The following ROBO2 variants were observed in gnomAD, a reference collection of about 807,000 sequenced individuals.
ROBO2 encodes roundabout homolog 2.
ROBO2 carries 53 observed loss-of-function variants against 160.8 expected under a neutral mutation model. That is an observed-to-expected ratio of 0.33 (90% confidence interval 0.26 to 0.41). ROBO2 has a LOEUF of 0.41. ROBO2 is among the 10% of genes least tolerant of loss of function. The probability of loss-of-function intolerance (pLI) is 1.00; values close to 1 mark genes in which losing one functional copy is unlikely to be tolerated. For synonymous variants in ROBO2, 664 were observed against 611.7 expected (o/e 1.09, Z -1.26); for missense variants, 1,577 against 1,722.4 (o/e 0.92, Z 1.49).
chr3:77,298,014 C>T (rs140349890), intron 2 of ROBO2, among the ~76,000 whole-genome samples: 8 of 152,134 alleles, frequency 5.3e-5, no homozygotes, highest in Non-Finnish European at 1.0e-4. Flanking sequence ...GCTACCTAAG[C>T]GGGTAGGGCA....
At chr3:76,590,495 TCAAC>T (rs1478877779) in intron 2 of ROBO2, among the ~76,000 whole-genome samples, 4 of 152,172 alleles carry the variant, frequency 2.6e-5, no homozygotes, top group African/African-American at 9.6e-5. Context: ...CAGCAACACA[TCAAC>T]CAACTGACAG....
At chr3:76,370,134 G>A (rs2076032656) in intron 2 of ROBO2, among the ~76,000 whole-genome samples, 2 of 151,880 alleles carry the variant, frequency 1.3e-5, no homozygotes, top group South Asian at 4.1e-4. Context: ...TGGTTCAGGT[G>A]TGTGTGTATA....
chr3:76,915,539 G>A (rs1439891856), intron 2 of ROBO2, among the ~76,000 whole-genome samples: 11 of 151,656 alleles, frequency 7.3e-5, no homozygotes, highest in African/African-American at 2.4e-4. Flanking sequence ...GTGTGGTGGT[G>A]AGTGCCTGTA....
intron 1 of ROBO2, among the ~76,000 whole-genome samples, chr3:75,910,780 G>T (rs1190930276): frequency 1.3e-5 from 2 of 152,126 alleles, no homozygotes; most frequent in Non-Finnish European, 1.5e-5. Context: ...GACATTAAGA[G>T]AAGTTTTTGA....
chr3:76,333,701 C>T (rs1184468383), intron 2 of ROBO2, among the ~76,000 whole-genome samples: 1 of 152,172 alleles, frequency 6.6e-6, no homozygotes, highest in Non-Finnish European at 1.5e-5. Context: ...AGCCTAGCTT[C>T]ATAGTATTCC....
chr3:76,880,114 T>C (rs1023840446), intron 2 of ROBO2, among the ~76,000 whole-genome samples: 2 of 152,190 alleles, frequency 1.3e-5, no homozygotes, highest in Non-Finnish European at 2.9e-5. Flanking sequence ...AAGTGTTTTT[T>C]AATGATTAGG....
intron 2 of ROBO2, among the ~76,000 whole-genome samples, chr3:77,212,181 A>G (rs1466013968): frequency 6.6e-6 from 1 of 152,110 alleles, no homozygotes; most frequent in Non-Finnish European, 1.5e-5. Flanking sequence ...GGCCATTTTC[A>G]CGACATTGAT....
In ROBO2 at chr3:76,385,248, G is replaced by A. The variant is rs147773854; in HGVS notation, c.109+447646G>A. Among the ~76,000 whole-genome samples, 34 of 152,178 alleles carry A rather than the reference G, an allele frequency of 2.2e-4. No individual in the cohort carries two copies. In the East Asian group the frequency reaches 5.8e-3, roughly 26 times the overall value. ...GGACTCAAGGCATACACCCACCTTC[G>A]TCTTCCATGCTAGGATTACAGGCAT... On this transcript the variant is annotated intron_variant, in intron 2 of 26. Transcript: ENST00000487694.
At chr3:76,562,838 A>T (rs1323080956) in intron 2 of ROBO2, among the ~76,000 whole-genome samples, 1 of 152,108 alleles carries the variant, frequency 6.6e-6, no homozygotes, top group African/African-American at 2.4e-5. Context: ...AATTCAATGA[A>T]TATATATTGT....
At chr3:77,100,200 A>G (rs2071716574) in intron 2 of ROBO2, among the ~76,000 whole-genome samples, 1 of 151,886 alleles carries the variant, frequency 6.6e-6, no homozygotes, top group Non-Finnish European at 1.5e-5. Context: ...AATTTTTTTT[A>G]TTTTGAAGTA....
At chr3:77,178,534 C>G (rs564654828) in intron 2 of ROBO2, among the ~76,000 whole-genome samples, 122 of 151,962 alleles carry the variant, frequency 8.0e-4, no homozygotes, top group African/African-American at 2.8e-3. Flanking sequence ...GAAAAAATAC[C>G]CATCCTTACT....
At chr3:77,141,419 G>T in intron 2 of ROBO2, among the ~76,000 whole-genome samples, 1 of 152,058 alleles carries the variant, frequency 6.6e-6, no homozygotes, top group East Asian at 1.9e-4. Flanking sequence ...CTTGTCTTCT[G>T]CTCTGGTCCA....
At chr3:77,202,214 C>G (rs548566687) in intron 2 of ROBO2, among the ~76,000 whole-genome samples, 75 of 152,172 alleles carry the variant, frequency 4.9e-4, no homozygotes, top group Admixed American at 2.0e-3. Flanking sequence ...GAGTTTTAAC[C>G]ATATGTGTTA....
chr3:77,565,051 A>G (rs777041157), exon 12 of ROBO2: 3 of 1,613,616 alleles, frequency 1.9e-6, no homozygotes, highest in Non-Finnish European at 2.5e-6. Context: ...CTACTTATTC[A>G]TGGTCAGAGC....
rs146433247 is a variant in ROBO2, at chr3:76,381,091, T to TA, written c.109+443496dup. Among the ~76,000 whole-genome samples, 3 of 151,138 alleles carry TA rather than the reference T, an allele frequency of 2.0e-5. No homozygotes were observed. In the South Asian group the frequency reaches 6.2e-4, roughly 31 times the overall value. ...CAATTTCAAAGTGTTTGAAAGGATT[T>TA]AAAAAAACAGACACAGATAGATAGC... On this transcript the variant is annotated intron_variant, in intron 2 of 26. Transcript: ENST00000487694.
chr3:77,611,525 G>A lies in ROBO2; in HGVS notation c.3293+3571G>A, dbSNP rs140979340. 4.4e-3 allele frequency among the ~76,000 whole-genome samples: 667 copies of A among 152,160 alleles called. 1 individual carries two copies. The highest frequency in any genetic ancestry group is 7.1e-3 in the Non-Finnish European group (486 of 67,990). On this transcript the variant is annotated intron_variant, in intron 21 of 25. Transcript: ENST00000461745. ...TGATAAGGGAATAAAACAAAGCAAG[G>A]TCAATGGGTTGGAGGAAAGGTAAGT...
chr3:77,193,643 G>A (rs555948403), intron 2 of ROBO2, among the ~76,000 whole-genome samples: 58 of 152,192 alleles, frequency 3.8e-4, no homozygotes, highest in Non-Finnish European at 7.4e-4. Context: ...TGACCTTGGA[G>A]TAGCAAAGGG....
chr3:77,348,148 G>T (rs1051619333), intron 2 of ROBO2, among the ~76,000 whole-genome samples: 1 of 152,050 alleles, frequency 6.6e-6, no homozygotes, highest in Non-Finnish European at 1.5e-5. Flanking sequence ...GAGCAAGAAC[G>T]AATTCAGGGA....
chr3:76,174,667 G>T (rs2073163528), intron 2 of ROBO2, among the ~76,000 whole-genome samples: 1 of 152,096 alleles, frequency 6.6e-6, no homozygotes, highest in Non-Finnish European at 1.5e-5. Flanking sequence ...AAGATCAGAT[G>T]GTTGTAGATG....
Sources: gnomAD v4.1 joint callset for allele counts (sites outside exome capture counted in the v4.1 genomes callset) on GRCh38, gnomAD v4.1.1 for gene constraint, MANE v1.5 for transcripts, NCBI Gene and HGNC (gene_info 2026-07-23, HGNC 2026-07-21) for gene names.